Variants in STXBP4 observed in about 807,000 individuals in gnomAD.
STXBP4 encodes syntaxin binding protein 4, also known as syntaxin-binding protein 4.
Under a neutral mutation model 76.1 loss-of-function variants are expected in STXBP4, and 55 were observed. The observed-to-expected ratio is 0.72, with a 90% CI of 0.58 to 0.91. The LOEUF (loss-of-function observed/expected upper bound fraction) is 0.91, where lower values mean the gene tolerates loss of function less well. STXBP4 is among the 40% of genes least tolerant of loss of function. The pLI, the probability that STXBP4 is intolerant of heterozygous loss-of-function variation, is 0.00. For synonymous variants in STXBP4, 201 were observed against 220.2 expected (o/e 0.91, Z 0.77); for missense variants, 618 against 636.9 (o/e 0.97, Z 0.32).
At chr17:55,070,082 T>C (rs1244318876) in intron 12 of STXBP4, among the ~76,000 whole-genome samples, 1 of 152,148 alleles carries the variant, frequency 6.6e-6, no homozygotes, top group Admixed American at 6.6e-5. Flanking sequence ...TTAAAAACAT[T>C]TTCTGTAGTT....
the STXBP4 span, among the ~76,000 whole-genome samples, chr17:55,180,145 A>T: frequency 6.6e-6 from 1 of 152,182 alleles, no homozygotes; most frequent in African/African-American, 2.4e-5. Flanking sequence ...TCCATTGGGC[A>T]CAAAACCAAC....
intron 16 of STXBP4, among the ~76,000 whole-genome samples, chr17:55,140,437 G>A (rs757766670): frequency 6.6e-6 from 1 of 152,122 alleles, no homozygotes; most frequent in Non-Finnish European, 1.5e-5. Context: ...GGCTACCTGA[G>A]TCGTGATAAG....
chr17:55,101,223 G>T (rs905832275), intron 16 of STXBP4, among the ~76,000 whole-genome samples: 1 of 152,074 alleles, frequency 6.6e-6, no homozygotes, highest in Non-Finnish European at 1.5e-5. Flanking sequence ...ATTTTTCCTG[G>T]AATAAAAAAT....
chr17:55,207,762 C>T, the STXBP4 span, among the ~76,000 whole-genome samples: 2 of 152,152 alleles, frequency 1.3e-5, no homozygotes, highest in Non-Finnish European at 2.9e-5. Context: ...CACTCTGTCC[C>T]GTTTATGCCA....
chr17:55,155,453 G>A (rs1353606370), intron 17 of STXBP4, among the ~76,000 whole-genome samples: 2 of 151,538 alleles, frequency 1.3e-5, no homozygotes, highest in Non-Finnish European at 2.9e-5. Flanking sequence ...TTAACATATA[G>A]TTACTTATTT....
intron 16 of STXBP4, among the ~76,000 whole-genome samples, chr17:55,129,709 A>G (rs530351772): frequency 6.6e-6 from 1 of 152,320 alleles, no homozygotes; most frequent in East Asian, 1.9e-4. Context: ...GAAACAACAA[A>G]AAAGTGTCCC....
chr17:54,988,645 C>T (rs2077662681), intron 3 of STXBP4, among the ~76,000 whole-genome samples: 1 of 152,032 alleles, frequency 6.6e-6, no homozygotes, highest in Non-Finnish European at 1.5e-5. Context: ...TGTGGTAGCA[C>T]GCACCTGTAA....
intron 17 of STXBP4, among the ~76,000 whole-genome samples, chr17:55,143,232 A>T (rs1452392764): frequency 6.6e-6 from 1 of 152,210 alleles, no homozygotes; most frequent in South Asian, 2.1e-4. Flanking sequence ...AGTGAGCTGC[A>T]TCTTGCCCTT....
Position 55,081,185 on chromosome 17 carries a change from T to C in STXBP4, c.1489+2T>C. Reference sequence around the variant, plus strand: ...TTCGTGCCTTACTTGATATGGATTGTAAGTTTTCTGCATTTTTTCACTTTT... The same window carrying C: ...TTCGTGCCTTACTTGATATGGATTGCAAGTTTTCTGCATTTTTTCACTTTT... On this transcript the variant is annotated splice_donor_variant, in intron 16 of 17. Coordinates refer to ENST00000376352, the MANE Select transcript of STXBP4 (RefSeq NM_178509.6). LOFTEE classifies it high-confidence loss of function. The C allele has an allele frequency of 6.9e-7, 1 of 1,456,544 alleles. No homozygotes were observed. Among genetic ancestry groups the C allele is most frequent in the Non-Finnish European group, 9.1e-7 (1 of 1,103,226 alleles). 90.2% of individuals were successfully genotyped at this position (1,456,544 alleles called of 1,614,324 possible).
chr17:55,005,233 T>C (rs1179518915), intron 7 of STXBP4, among the ~76,000 whole-genome samples: 1 of 152,232 alleles, frequency 6.6e-6, no homozygotes, highest in Non-Finnish European at 1.5e-5. Flanking sequence ...TTATTCCCTC[T>C]ACTTTATAGA....
At chr17:55,181,986 G>T in the STXBP4 span, among the ~76,000 whole-genome samples, 1 of 152,130 alleles carries the variant, frequency 6.6e-6, no homozygotes, top group African/African-American at 2.4e-5. Context: ...CTGAAGACAA[G>T]ATTAAAATCA....
chr17:55,078,001 C>T, intron 13 of STXBP4, 77 bp from the exon 14 acceptor site: 2 of 862,616 alleles, frequency 2.3e-6, no homozygotes, highest in Non-Finnish European at 1.8e-6. Context: ...AATATTAGTT[C>T]ATAAAAACTG....
the STXBP4 span, among the ~76,000 whole-genome samples, chr17:55,204,109 C>T: frequency 6.6e-6 from 1 of 150,994 alleles, no homozygotes; most frequent in African/African-American, 2.4e-5. Context: ...ATCATGTTCC[C>T]CTGTCCTTCT....
At chr17:55,109,335 A>T (rs559722205) in intron 16 of STXBP4, among the ~76,000 whole-genome samples, 219 of 152,228 alleles carry the variant, frequency 1.4e-3, no homozygotes, top group African/African-American at 5.2e-3. Flanking sequence ...ATACATTACA[A>T]ATTTTCAAAA....
intron 8 of STXBP4, among the ~76,000 whole-genome samples, chr17:55,016,761 T>C (rs11079146): frequency 0.36 from 55,274 of 152,068 alleles, 10,882 homozygotes; most frequent in East Asian, 0.54. Flanking sequence ...TTAAGTGAAC[T>C]ATCAGTGGTG....
At chr17:55,147,570 G>A (rs1039736654) in intron 17 of STXBP4, among the ~76,000 whole-genome samples, 1 of 152,124 alleles carries the variant, frequency 6.6e-6, no homozygotes, top group African/African-American at 2.4e-5. Context: ...AATTCTCCAT[G>A]CATTCATTTG....
chr17:55,127,734 G>T (rs1457211907), intron 16 of STXBP4, among the ~76,000 whole-genome samples: 1 of 151,956 alleles, frequency 6.6e-6, no homozygotes, highest in African/African-American at 2.4e-5. Context: ...AAATTTTCAA[G>T]CATCCTCTTA....
At chr17:55,028,483 C>T (rs2078453321) in intron 8 of STXBP4, among the ~76,000 whole-genome samples, 1 of 151,790 alleles carries the variant, frequency 6.6e-6, no homozygotes, top group African/African-American at 2.4e-5. Flanking sequence ...AGAAAAAAAC[C>T]TGAAAAATTA....
Position 55,150,426 on chromosome 17 carries a change from C to T in STXBP4, c.1547+9059C>T, listed in dbSNP as rs994808589. On this transcript the variant is annotated intron_variant, in intron 17 of 17. Transcript: ENST00000376352. ...TCCATCAGACCAGTGTCCTGCCAAC[C>T]CTACAACCTCATCTAACCCTAATTA... 2.0e-4 allele frequency among the ~76,000 whole-genome samples: 30 copies of T among 152,140 alleles called. 1 individual carries two copies.
Sources: allele counts gnomAD v4.1 joint callset (sites outside exome capture counted in the v4.1 genomes callset), GRCh38; gene constraint gnomAD v4.1.1; transcripts MANE v1.5; gene names NCBI Gene and HGNC (gene_info 2026-07-23, HGNC 2026-07-21).